The following STAT5A variants were observed in gnomAD, a reference collection of about 807,000 sequenced individuals.
STAT5A encodes the protein signal transducer and activator of transcription 5A, also known as epididymis secretory sperm binding protein.
STAT5A carries 26 observed loss-of-function variants against 100.2 expected under a neutral mutation model. That is an observed-to-expected ratio of 0.26 (90% CI 0.19 to 0.36). The LOEUF (loss-of-function observed/expected upper bound fraction) is 0.36. STAT5A is among the 10% of genes least tolerant of loss of function. STAT5A has a pLI of 1.00. For missense variants in STAT5A, 634 were observed against 1,027.5 expected, an observed-to-expected ratio of 0.62 and a Z score of 5.24; for synonymous variants, 330 against 424.3, an observed-to-expected ratio of 0.78 and a Z score of 2.73.
chr17:42,292,818 C>T (rs961445337), intron 4 of STAT5A, among the ~76,000 whole-genome samples: 3 of 151,418 alleles, frequency 2.0e-5, no homozygotes, highest in Admixed American at 6.6e-5. Context: ...TTAGTAGAGA[C>T]GTGGTTTCAC....
chr17:42,298,713 A>T (rs1449649754), intron 5 of STAT5A, among the ~76,000 whole-genome samples: 9 of 148,262 alleles, frequency 6.1e-5, no homozygotes, highest in Non-Finnish European at 1.0e-4. Context: ...GGTCTCGATC[A>T]CCTGACCTCG....
At position 42,293,504 on chromosome 17, in the gene STAT5A, C is replaced by T. The variant is rs143674458; in HGVS notation, c.375+1443C>T. On this transcript the variant is annotated intron_variant, in intron 4 of 18. Coordinates refer to ENST00000590949, the MANE Select transcript of STAT5A (RefSeq NM_001288718.2). ...ACAGGCATGAGCCACCACGCCCGGC[C>T]TATTACGTATTTATTGTTGTGGACA... Among the ~76,000 whole-genome samples the T allele has an allele frequency of 4.6e-3, 699 of 152,362 alleles. 7 individuals carry two copies. Among genetic ancestry groups the T allele is most frequent in the African/African-American group, 0.016 (686 of 41,586 alleles).
rs1373303806 is a variant in STAT5A at position 42,311,551 on chromosome 17, G to A, written c.*882G>A. On this transcript the variant is annotated 3_prime_UTR_variant, in exon 19 of 19. Coordinates refer to ENST00000590949, the MANE Select transcript of STAT5A (RefSeq NM_001288718.2). ...GGACAGGGGCCCCGGGACTTGGAGG[G>A]TTGGTCCTCTTGCCTCCTGGAAAAA... 21 of 152,806 alleles carry A rather than the reference G, an allele frequency of 1.4e-4. No individual in the cohort carries two copies. Among genetic ancestry groups the A allele is most frequent in the Admixed American group, 1.4e-3 (21 of 15,284 alleles). 9.5% of individuals were successfully genotyped at this position (152,806 alleles called of 1,614,324 possible).
At position 42,304,194 on chromosome 17, in the gene STAT5A, G is replaced by GA. The variant is rs963388893; in HGVS notation, c.1170-145dup. ...GGTTGATGGAGAAGTCAGTAACCCA[G>GA]AAAGACGCCAAGAAACACTCTTAGG... is the stretch of plus-strand genomic sequence containing the variant. On this transcript the variant is annotated intron_variant, in intron 9 of 18. Coordinates refer to ENST00000590949, the MANE Select transcript of STAT5A (RefSeq NM_001288718.2). This position sits in a 1 kb window ranked among gnomAD's most constrained non-coding sequence, Gnocchi z 4.8. 1.1e-5 allele frequency: 8 copies of GA among 721,702 alleles called. No individual in the cohort carries two copies. Among genetic ancestry groups the GA allele is most frequent in the Admixed American group, 5.5e-5 (2 of 36,562 alleles). 44.7% of individuals were successfully genotyped at this position (721,702 alleles called of 1,614,324 possible).
At position 42,310,819 on chromosome 17, in the gene STAT5A, G is replaced by A. The variant is rs747625509; in HGVS notation, c.*150G>A. 6.6e-6 allele frequency: 9 copies of A among 1,360,708 alleles called. No individual in the cohort carries two copies. The highest frequency in any genetic ancestry group is 1.4e-5 in the African/African-American group (1 of 69,322). The allele number at this position is 1,360,708 out of a possible 1,614,324, so 84.3% of individuals were successfully genotyped here. ...GTGTGTGTCCTTGTGCATGAGCTAC[G>A]CCTGCCTCCCCTGTGCAGTCCTGGG... On this transcript the variant is annotated 3_prime_UTR_variant, in exon 19 of 19. Transcript: ENST00000590949.
Position 42,311,033 on chromosome 17 carries a change from C to T in STAT5A, c.*364C>T. The T allele has an allele frequency of 3.8e-6, 1 of 265,892 alleles. No individual in the cohort carries two copies. The highest frequency in any genetic ancestry group is 7.5e-6 in the Non-Finnish European group (1 of 133,272). 16.5% of individuals were successfully genotyped at this position (265,892 alleles called of 1,614,324 possible). Reference sequence around the variant, plus strand: ...AGATGATTCAGAAGGGGAGGGGAGACAGGTAACGTCTGTAAGCTGAAGTTT... The same window carrying T: ...AGATGATTCAGAAGGGGAGGGGAGATAGGTAACGTCTGTAAGCTGAAGTTT... On this transcript the variant is annotated 3_prime_UTR_variant, in exon 19 of 19. Coordinates refer to ENST00000590949, the MANE Select transcript of STAT5A (RefSeq NM_001288718.2).
Position 42,301,193 on chromosome 17 carries a change from C to G in STAT5A, c.990-82C>G, listed in dbSNP as rs1375350886. On this transcript the variant is annotated intron_variant, in intron 8 of 18. Coordinates refer to ENST00000590949, the MANE Select transcript of STAT5A (RefSeq NM_001288718.2). ...CCTCCTGAGCCCCATGGGAGGCAGC[C>G]CCACCCCCACCACAGAGGGACTGAG... The G allele has an allele frequency of 6.4e-6, 10 of 1,560,978 alleles. No individual in the cohort carries two copies. In the Admixed American group the frequency reaches 1.6e-4, roughly 25 times the overall value.
Position 42,301,154 on chromosome 17 carries a change from G to T in STAT5A, c.990-121G>T. 5 of 1,475,294 alleles carry T rather than the reference G, an allele frequency of 3.4e-6. No individual in the cohort carries two copies. In the South Asian group the frequency reaches 6.4e-5, roughly 19 times the overall value. The allele number at this position is 1,475,294 out of a possible 1,614,324, so 91.4% of individuals were successfully genotyped here. On this transcript the variant is annotated intron_variant, in intron 8 of 18. Coordinates refer to ENST00000590949, the MANE Select transcript of STAT5A (RefSeq NM_001288718.2). ...CAGCTTCCCCGGGAACAGAGGTTGTGCCCGAGCTCATCACCTCCTGAGCCC... is the reference window on the plus strand; with the variant it reads ...CAGCTTCCCCGGGAACAGAGGTTGTTCCCGAGCTCATCACCTCCTGAGCCC...
intron 4 of STAT5A, among the ~76,000 whole-genome samples, chr17:42,294,775 C>T (rs768269372): frequency 1.3e-5 from 2 of 152,196 alleles, no homozygotes; most frequent in African/African-American, 4.8e-5. Flanking sequence ...CTATGGCCAG[C>T]AGACACCATG....
At chr17:42,305,524 A>T in intron 11 of STAT5A, 86 bp from the exon 12 acceptor site, 6 of 1,149,028 alleles carry the variant, frequency 5.2e-6, no homozygotes, top group Middle Eastern at 2.0e-4. Flanking sequence ...TACATAAAAA[A>T]AAATAAAGCA....
Position 42,305,690 on chromosome 17 carries a change from C to T in STAT5A, c.1461C>T (p.Ala487=). The change falls in exon 12 of 19, where the codon GCC becomes GCT. Residue 487 remains alanine, a synonymous_variant. Transcript: ENST00000590949. The part of the protein sequence containing the change: ...NATATVLWDN[A]FAEPGRVPFA... ...CGGCTACTGTGCTGTGGGACAATGCCTTTGCTGAGCCGGTGAGTCCCCGTG... is the reference window on the plus strand; with the variant it reads ...CGGCTACTGTGCTGTGGGACAATGCTTTTGCTGAGCCGGTGAGTCCCCGTG... The T allele has an allele frequency of 6.2e-7, 1 of 1,614,104 alleles. No individual in the cohort carries two copies. Among genetic ancestry groups the T allele is most frequent in the Non-Finnish European group, 8.5e-7 (1 of 1,180,004 alleles).
chr17:42,305,969 G>T (rs763753789), intron 12 of STAT5A: 34 of 647,098 alleles, frequency 5.3e-5, no homozygotes, highest in Non-Finnish European at 8.4e-5. Flanking sequence ...TTGGCAGATG[G>T]CTTGGGTCCT....
chr17:42,289,338 C>T, intron 1 of STAT5A, 64 bp from the exon 2 acceptor site: 1 of 1,473,164 alleles, frequency 6.8e-7, no homozygotes, highest in Non-Finnish European at 9.0e-7. Context: ...ATGGCAAGGC[C>T]AGGGGCAGGC....
intron 4 of STAT5A, among the ~76,000 whole-genome samples, chr17:42,292,918 G>A (rs1052858736): frequency 6.6e-6 from 1 of 151,956 alleles, no homozygotes; most frequent in African/African-American, 2.4e-5. Flanking sequence ...GTGAGCCACC[G>A]TGCCCGGCCT....
rs1205675124 is a variant in STAT5A, at chr17:42,289,619, T to C, written c.128+80T>C. ...TGGCCTCTAGTTTTACTCATGGTGG[T>C]TTGGTGTGACTCTGGTCCTGCCTGT... On this transcript the variant is annotated intron_variant, in intron 2 of 18. Transcript: ENST00000590949. 1.5e-5 allele frequency: 23 copies of C among 1,548,196 alleles called. No homozygotes were observed. In the African/African-American group the frequency reaches 1.9e-4, roughly 13 times the overall value.
At chr17:42,294,891 C>T (rs943390290) in intron 4 of STAT5A, among the ~76,000 whole-genome samples, 7 of 146,508 alleles carry the variant, frequency 4.8e-5, no homozygotes, top group Admixed American at 3.3e-4. Context: ...GTTTCTACCC[C>T]TCTCTCTCTA....
At chr17:42,309,551 GA>G in intron 18 of STAT5A, 67 bp downstream of exon 18, 1 of 1,526,682 alleles carries the variant, frequency 6.6e-7, no homozygotes, top group Non-Finnish European at 8.9e-7. Flanking sequence ...TGGACTCCTG[GA>G]GGGCTGGCGG....
chr17:42,310,516 T>G lies in STAT5A; in HGVS notation c.2232T>G (p.His744Gln). ...PYNMYPQNPDHVLDQDGEFDL... is the reference protein window; with the variant it reads ...PYNMYPQNPDQVLDQDGEFDL... ...CCCCTGTCTTTACCAGCCCTGACCATGTACTCGATCAGGATGGAGAATTCG... is the reference window on the plus strand; with the variant it reads ...CCCCTGTCTTTACCAGCCCTGACCAGGTACTCGATCAGGATGGAGAATTCG... The change falls in exon 19 of 19, where the codon CAT becomes CAG. Residue 744 changes from histidine to glutamine, a missense_variant. Physicochemically the swap from His to Gln is conservative, Grantham distance 24. Transcript: ENST00000590949. 1.9e-6 allele frequency: 3 copies of G among 1,614,188 alleles called. No individual in the cohort carries two copies. Among genetic ancestry groups the G allele is most frequent in the Non-Finnish European group, 2.5e-6 (3 of 1,180,024 alleles).
At chr17:42,309,313 C>A in intron 17 of STAT5A, 64 bp from the exon 18 acceptor site, 1 of 1,585,650 alleles carries the variant, frequency 6.3e-7, no homozygotes, top group Non-Finnish European at 8.6e-7. Flanking sequence ...CCCCTCGGTC[C>A]CCTCCCCAAG....
Sources: allele counts gnomAD v4.1 joint callset (sites outside exome capture counted in the v4.1 genomes callset), GRCh38; gene constraint gnomAD v4.1.1; non-coding constraint Gnocchi (gnomAD v3.1); transcripts MANE v1.5; gene names NCBI Gene and HGNC (gene_info 2026-07-23, HGNC 2026-07-21).